AMZ1: variants seen among roughly 807,000 people sequenced by gnomAD.
AMZ1 encodes the protein archaelysin family metallopeptidase 1.
In AMZ1, 39 loss-of-function variants were observed where a neutral mutation model predicts 29.9. That is an observed-to-expected ratio of 1.30 (90% confidence interval 1.01 to 1.70). The LOEUF is 1.70. Ranked by LOEUF, AMZ1 falls within the 40% of genes most tolerant of loss-of-function variation. The pLI is 0.00. For missense variants in AMZ1, 1,041 were observed against 680.6 expected (o/e 1.53, Z -5.89); for synonymous variants, 458 against 304.0 (o/e 1.51, Z -5.27).
rs1029343111 is a variant in AMZ1, at chr7:2,715,450, A to G, written c.*2572A>G. ...GTGATAAAAATAGAATGCCTGGCTC[A>G]TGCTGAGGGTGGGAGCCCACTGGGG... On this transcript the variant is annotated 3_prime_UTR_variant, in exon 7 of 7. Transcript: ENST00000683327. The G allele has an allele frequency of 1.3e-5, 2 of 152,338 alleles. No homozygotes were observed. Among genetic ancestry groups the G allele is most frequent in the South Asian group, 4.1e-4 (2 of 4,830 alleles). The allele number at this position is 152,338 out of a possible 1,614,324, so 9.4% of individuals were successfully genotyped here. A position where few individuals can be genotyped will look rare whatever the true frequency, so the allele number is the denominator to read the frequency against.
In AMZ1 at chr7:2,709,241, C is replaced by T; in HGVS notation, c.768C>T (p.Cys256=). 2 of 1,494,468 alleles carry T rather than the reference C, an allele frequency of 1.3e-6. No homozygotes were observed. The highest frequency in any genetic ancestry group is 1.8e-6 in the Non-Finnish European group (2 of 1,124,852). 92.6% of individuals were successfully genotyped at this position (1,494,468 alleles called of 1,614,324 possible). The change falls in exon 5 of 7, where the codon TGC becomes TGT. Residue 256 remains cysteine, a synonymous_variant. Coordinates refer to ENST00000683327, the MANE Select transcript of AMZ1 (RefSeq NM_001384743.1). ...GTGCCCTGGGGATGGTTCAGTGCTG[C>T]AAGGTGGGTGGGGGCTCTGGGGCTG... ...CFSALGMVQC[C]KVTCHELCHL...
intron 3 of AMZ1, among the ~76,000 whole-genome samples, chr7:2,704,828 C>T (rs1230379238): frequency 6.6e-6 from 1 of 151,968 alleles, no homozygotes; most frequent in African/African-American, 2.4e-5. Context: ...GATCTCCTGA[C>T]CTGGTGATCT....
At position 2,702,723 on chromosome 7, in the gene AMZ1, C is replaced by A; in HGVS notation, c.306C>A (p.Asp102Glu). 1 of 1,533,378 alleles carries A rather than the reference C, an allele frequency of 6.5e-7. No individual in the cohort carries two copies. Among genetic ancestry groups the A allele is most frequent in the East Asian group, 2.5e-5 (1 of 40,598 alleles). 95.0% of individuals were successfully genotyped at this position (1,533,378 alleles called of 1,614,324 possible). ...CTGACGGTGCTGCTCTCCCACCAGA[C>A]CTGAGCGAGGAGCCGGTGGGAAGCT... ...ARKHIYLQPI[D>E]LSEEPVGSSL... The change falls in exon 3 of 7, where the codon GAC becomes GAA. Residue 102 changes from aspartate (D) to glutamate (E), a missense_variant and splice_region_variant. Coordinates refer to ENST00000683327, the MANE Select transcript of AMZ1 (RefSeq NM_001384743.1).
chr7:2,691,671 C>T (rs928117687), intron 1 of AMZ1, among the ~76,000 whole-genome samples: 22 of 140,906 alleles, frequency 1.6e-4, no homozygotes, highest in Non-Finnish European at 3.3e-4. Context: ...GCGGAGGTTG[C>T]AGTGAGCCGA....
At chr7:2,726,980 C>T (rs949597215) in intron 4 of AMZ1, among the ~76,000 whole-genome samples, 3 of 152,232 alleles carry the variant, frequency 2.0e-5, no homozygotes, top group Admixed American at 6.5e-5. Flanking sequence ...TCTTGGAGAG[C>T]GAGGCCTCTC....
At chr7:2,682,260 G>A (rs1294925502) in intron 1 of AMZ1, among the ~76,000 whole-genome samples, 3 of 142,682 alleles carry the variant, frequency 2.1e-5, no homozygotes, top group African/African-American at 5.1e-5. Flanking sequence ...CCTCAGGCCT[G>A]AGAGGGTCCC....
At chr7:2,707,349 C>T (rs1788419317) in intron 3 of AMZ1, among the ~76,000 whole-genome samples, 1 of 152,044 alleles carries the variant, frequency 6.6e-6, no homozygotes, top group Non-Finnish European at 1.5e-5. Flanking sequence ...AATGGTAGAA[C>T]TCCTTGGAAA....
chr7:2,753,149 T>C (rs1370566100), intron 4 of AMZ1, among the ~76,000 whole-genome samples: 1 of 148,952 alleles, frequency 6.7e-6, no homozygotes, highest in Non-Finnish European at 1.5e-5. Flanking sequence ...CCATACAGCA[T>C]GCGGCTTTTT....
chr7:2,722,546 C>T (rs1167918903), downstream of AMZ1, among the ~76,000 whole-genome samples: 1 of 152,238 alleles, frequency 6.6e-6, no homozygotes, highest in Non-Finnish European at 1.5e-5. Flanking sequence ...GCTGGGATTA[C>T]AGGCGTGAGC....
chr7:2,733,438 C>A (rs551131535), intron 4 of AMZ1: 1 of 1,612,000 alleles, frequency 6.2e-7, no homozygotes, highest in Admixed American at 1.7e-5. Context: ...TTCGGGCGGG[C>A]GTGCTTACTC....
chr7:2,728,086 G>A (rs1159466212), intron 4 of AMZ1: 1 of 151,960 alleles, frequency 6.6e-6, no homozygotes, highest in African/African-American at 2.4e-5. Flanking sequence ...TTTAGTGTTG[G>A]TTTTGAATAC....
intron 4 of AMZ1, among the ~76,000 whole-genome samples, chr7:2,747,039 C>G (rs1583228795): frequency 6.6e-6 from 1 of 152,038 alleles, no homozygotes; most frequent in African/African-American, 2.4e-5. Context: ...AGCTTACCAA[C>G]CAAAAAAAGT....
At chr7:2,751,553 G>C (rs564010353) in intron 4 of AMZ1, among the ~76,000 whole-genome samples, 29 of 152,170 alleles carry the variant, frequency 1.9e-4, no homozygotes, top group Admixed American at 1.5e-3. Flanking sequence ...AATGGAAAAT[G>C]AATTTTGCAA....
chr7:2,737,496 C>G (rs996326349), intron 4 of AMZ1, among the ~76,000 whole-genome samples: 1 of 151,964 alleles, frequency 6.6e-6, no homozygotes, highest in Non-Finnish European at 1.5e-5. Context: ...ACCAGGTTAA[C>G]CAGGCTGGTC....
At chr7:2,684,476 C>T (rs1167535946), upstream of AMZ1, among the ~76,000 whole-genome samples, 1 of 152,194 alleles carries the variant, frequency 6.6e-6, no homozygotes, top group Non-Finnish European at 1.5e-5. Context: ...CTCTTTTAAC[C>T]CCAAGTCGGC....
chr7:2,754,313 T>C (rs1419595515), intron 4 of AMZ1, among the ~76,000 whole-genome samples: 1 of 152,190 alleles, frequency 6.6e-6, no homozygotes, highest in Non-Finnish European at 1.5e-5. Context: ...TGTTTTGTTA[T>C]TTTCTGTTTG....
At chr7:2,680,987 G>A (rs556557734) in intron 1 of AMZ1, among the ~76,000 whole-genome samples, 31 of 152,356 alleles carry the variant, frequency 2.0e-4, no homozygotes, top group East Asian at 1.9e-3. Flanking sequence ...CACAGGCGCC[G>A]GGCAGGGCGG....
Position 2,716,506 on chromosome 7 carries a change from T to TTAAG in AMZ1, c.*3631_*3632insGTAA, listed in dbSNP as rs1554251771. 1 of 151,568 alleles carries TTAAG rather than the reference T, an allele frequency of 6.6e-6. No homozygotes were observed. The highest frequency in any genetic ancestry group is 1.5e-5 in the Non-Finnish European group (1 of 67,856). 9.4% of individuals were successfully genotyped at this position (151,568 alleles called of 1,614,324 possible). On this transcript the variant is annotated 3_prime_UTR_variant, in exon 7 of 7. Coordinates refer to ENST00000683327, the MANE Select transcript of AMZ1 (RefSeq NM_001384743.1). ...CCGATGAACGAAATCTCCAAAAGCC[T>TTAAG]TAAACATAAAATGGCTTAGTCAAGC... is the stretch of plus-strand genomic sequence containing the variant.
chr7:2,724,218 C>T (rs932992399), downstream of AMZ1, among the ~76,000 whole-genome samples: 16 of 152,194 alleles, frequency 1.1e-4, no homozygotes, highest in African/African-American at 3.9e-4. Context: ...TGCGCCCGGC[C>T]ACTTCTGGTC....
Sources: gnomAD v4.1 joint callset for allele counts (sites outside exome capture counted in the v4.1 genomes callset) on GRCh38, gnomAD v4.1.1 for gene constraint, MANE v1.5 for transcripts, NCBI Gene and HGNC (gene_info 2026-07-23, HGNC 2026-07-21) for gene names.